Variants in BMPR1A observed in about 807,000 individuals in gnomAD.
The protein encoded by BMPR1A is bone morphogenetic protein receptor type-1A.
In BMPR1A, 7 loss-of-function variants were observed where a neutral mutation model predicts 66.0. That is an observed-to-expected ratio of 0.11 (90% CI 0.06 to 0.20). BMPR1A has a LOEUF of 0.20. Ranked by LOEUF, BMPR1A falls within the 10% of genes least tolerant of loss-of-function variation. BMPR1A has a pLI of 1.00. For synonymous variants in BMPR1A, 200 were observed against 229.7 expected (o/e 0.87, Z 1.17); for missense variants, 408 against 669.1 (o/e 0.61, Z 4.31).
At position 86,891,063 on chromosome 10, in the gene BMPR1A, A is replaced by G. The variant is rs145580166; in HGVS notation, c.230+839A>G. ...CATGTTTTATACTTTTAATAATTGT[A>G]TGTTCCCTGAATGGACCAGATAGAA... On this transcript the variant is annotated intron_variant, in intron 4 of 12. Coordinates refer to ENST00000372037, the MANE Select transcript of BMPR1A (RefSeq NM_004329.3). Among the ~76,000 whole-genome samples, 5 of 152,290 alleles carry G rather than the reference A, an allele frequency of 3.3e-5. No homozygotes were observed. In the East Asian group the frequency reaches 9.6e-4, roughly 29 times the overall value.
rs1384239609 is a variant in BMPR1A, at chr10:86,923,918, A to G, written c.*199A>G. 6.4e-6 allele frequency: 4 copies of G among 623,344 alleles called. No homozygotes were observed. The African/African-American group carries it at 7.4e-5, about 12-fold the overall frequency. 38.6% of individuals were successfully genotyped at this position (623,344 alleles called of 1,614,324 possible). On this transcript the variant is annotated 3_prime_UTR_variant, in exon 13 of 13. Transcript: ENST00000372037. ...GGAACTTCTAAACACTTCATTCTTT[A>G]TATATGGACAGCTTTATTTTAAATG...
intron 7 of BMPR1A, among the ~76,000 whole-genome samples, chr10:86,908,212 C>T (rs954841611): frequency 1.1e-4 from 17 of 152,120 alleles, no homozygotes; most frequent in African/African-American, 3.9e-4. Flanking sequence ...TCTTCTTCCC[C>T]ACCCAAAGAA....
At chr10:86,779,053 T>G (rs1841397929) in intron 1 of BMPR1A, among the ~76,000 whole-genome samples, 1 of 151,800 alleles carries the variant, frequency 6.6e-6, no homozygotes, top group South Asian at 2.1e-4. Flanking sequence ...CAGGCATCAG[T>G]CACCATACTC....
At chr10:86,901,484 A>G (rs886594545) in intron 7 of BMPR1A, among the ~76,000 whole-genome samples, 2 of 152,226 alleles carry the variant, frequency 1.3e-5, no homozygotes, top group African/African-American at 2.4e-5. Flanking sequence ...GGGGAACTCC[A>G]TAGTATAAAC....
intron 3 of BMPR1A, among the ~76,000 whole-genome samples, chr10:86,889,258 C>T (rs936505657): frequency 2.0e-5 from 3 of 152,172 alleles, no homozygotes; most frequent in African/African-American, 7.2e-5. Context: ...AACTGCTGCC[C>T]TTCTATAACC....
chr10:86,922,050 C>CG (rs1031898984), intron 11 of BMPR1A, among the ~76,000 whole-genome samples: 4 of 152,178 alleles, frequency 2.6e-5, no homozygotes, highest in African/African-American at 4.8e-5. Context: ...ACATCCCCCC[C>CG]CATCTGCTGC....
At chr10:86,841,496 G>C (rs976267205) in intron 2 of BMPR1A, among the ~76,000 whole-genome samples, 11 of 152,176 alleles carry the variant, frequency 7.2e-5, no homozygotes, top group African/African-American at 2.4e-4. Flanking sequence ...TGTCAGGCAG[G>C]CTTCACAGAA....
intron 1 of BMPR1A, among the ~76,000 whole-genome samples, chr10:86,789,343 G>A (rs1841565747): frequency 6.6e-6 from 1 of 152,152 alleles, no homozygotes; most frequent in Non-Finnish European, 1.5e-5. Context: ...GCTGTCGAGT[G>A]AGAAAACAAG....
At chr10:86,773,122 A>G (rs1441910453) in intron 1 of BMPR1A, among the ~76,000 whole-genome samples, 1 of 141,438 alleles carries the variant, frequency 7.1e-6, no homozygotes, top group Non-Finnish European at 1.5e-5. Context: ...GTCTTATTCT[A>G]GTTATCTTTT....
chr10:86,840,956 G>A (rs550536415), intron 2 of BMPR1A, among the ~76,000 whole-genome samples: 8 of 152,296 alleles, frequency 5.3e-5, no homozygotes, highest in African/African-American at 1.9e-4. Flanking sequence ...CTCCCAGCTT[G>A]TGCTGCTTCT....
At chr10:86,831,542 G>C (rs952737133) in intron 1 of BMPR1A, among the ~76,000 whole-genome samples, 5 of 152,140 alleles carry the variant, frequency 3.3e-5, no homozygotes, top group Non-Finnish European at 7.3e-5. Flanking sequence ...GATCACTTGA[G>C]CCCAGGAATT....
At chr10:86,814,469 T>C (rs184425394) in intron 1 of BMPR1A, among the ~76,000 whole-genome samples, 36 of 152,232 alleles carry the variant, frequency 2.4e-4, no homozygotes, top group Admixed American at 2.0e-3. Context: ...TCTTCCTTCT[T>C]ACTTTCAATT....
chr10:86,865,970 G>A (rs989039216), intron 2 of BMPR1A, among the ~76,000 whole-genome samples: 2 of 152,232 alleles, frequency 1.3e-5, no homozygotes, highest in Non-Finnish European at 2.9e-5. Context: ...ATTCCATGGG[G>A]TTGGTTCTGG....
intron 1 of BMPR1A, among the ~76,000 whole-genome samples, chr10:86,798,949 C>G (rs1309973369): frequency 1.3e-5 from 2 of 152,118 alleles, no homozygotes; most frequent in African/African-American, 4.8e-5. Context: ...AATAAAAAAG[C>G]TTTGGTTTTT....
At chr10:86,819,372 G>A (rs995907565) in intron 1 of BMPR1A, among the ~76,000 whole-genome samples, 13 of 151,914 alleles carry the variant, frequency 8.6e-5, no homozygotes, top group African/African-American at 3.1e-4. Context: ...GTGCAGTGGT[G>A]CGATCTCAGG....
chr10:86,878,515 A>C (rs1181816089), intron 3 of BMPR1A, among the ~76,000 whole-genome samples: 1 of 152,248 alleles, frequency 6.6e-6, no homozygotes, highest in African/African-American at 2.4e-5. Context: ...ACTAATAATG[A>C]CTTCAATAGA....
intron 1 of BMPR1A, among the ~76,000 whole-genome samples, chr10:86,792,922 A>G (rs964577475): frequency 1.3e-5 from 2 of 152,162 alleles, no homozygotes; most frequent in South Asian, 2.1e-4. Flanking sequence ...AATAGCACCT[A>G]TATCAAGGAG....
At chr10:86,855,486 G>T in intron 2 of BMPR1A, 1 of 553,566 alleles carries the variant, frequency 1.8e-6, no homozygotes, top group South Asian at 2.7e-5. Context: ...AGAATTTTCT[G>T]AAGCTATAAT....
intron 1 of BMPR1A, among the ~76,000 whole-genome samples, chr10:86,797,068 C>CTTTTCTTTTCTTT (rs1554879657): frequency 9.5e-6 from 1 of 105,028 alleles, no homozygotes; most frequent in African/African-American, 3.3e-5. Context: ...CTTTTCTTTT[C>CTTTTCTTTTCTTT]TTTTTTTTTT....
Sources: gnomAD v4.1 joint callset for allele counts (sites outside exome capture counted in the v4.1 genomes callset) on GRCh38, gnomAD v4.1.1 for gene constraint, MANE v1.5 for transcripts, NCBI Gene and HGNC (gene_info 2026-07-23, HGNC 2026-07-21) for gene names.